Variants in SLC17A4 observed in about 807,000 individuals in gnomAD.
SLC17A4 encodes the protein probable small intestine urate exporter.
SLC17A4 carries 33 observed loss-of-function variants against 52.5 expected under a neutral mutation model. That is an observed-to-expected ratio of 0.63 (90% CI 0.48 to 0.84). The LOEUF (loss-of-function observed/expected upper bound fraction) is 0.84, where lower values mean the gene tolerates loss of function less well. SLC17A4 is among the 40% of genes least tolerant of loss of function. SLC17A4 has a pLI of 0.00. For missense variants in SLC17A4, 585 were observed against 597.1 expected (o/e 0.98, Z 0.21); for synonymous variants, 225 against 216.2 (o/e 1.04, Z -0.36).
At position 25,776,582 on chromosome 6, in the gene SLC17A4, C is replaced by T. The variant is rs185810331; in HGVS notation, c.988-13C>T. ...TAAGGGCACATGCACCTGACCTAGT[C>T]TCTGGTCCTCAGAGTGGGATCCTGT... is the stretch of plus-strand genomic sequence containing the variant. On this transcript the variant is annotated splice_polypyrimidine_tract_variant and intron_variant, in intron 8 of 11. Coordinates refer to ENST00000377905, the MANE Select transcript of SLC17A4 (RefSeq NM_005495.3). 256 of 1,590,378 alleles carry T rather than the reference C, an allele frequency of 1.6e-4. 1 individual carries two copies. In the East Asian group the frequency reaches 5.3e-3, roughly 33 times the overall value.
intron 8 of SLC17A4, among the ~76,000 whole-genome samples, chr6:25,775,357 A>G (rs1368730221): frequency 1.2e-4 from 18 of 151,782 alleles, no homozygotes; most frequent in Admixed American, 1.2e-3. Context: ...AGACTGAAAA[A>G]TCTTTCTTTC....
intron 6 of SLC17A4, among the ~76,000 whole-genome samples, chr6:25,771,807 T>C (rs1312959187): frequency 6.6e-6 from 1 of 152,074 alleles, no homozygotes; most frequent in Non-Finnish European, 1.5e-5. Context: ...GGGCAGATTA[T>C]GTGAGGTTCA....
At chr6:25,755,048 TACACACACAC>T (rs35878702) in intron 1 of SLC17A4, among the ~76,000 whole-genome samples, 25 of 145,052 alleles carry the variant, frequency 1.7e-4, no homozygotes, top group Middle Eastern at 3.5e-3. Flanking sequence ...CACACACACA[TACACACACAC>T]ACACACACAC....
chr6:25,777,614 T>A, intron 10 of SLC17A4: 1 of 226,622 alleles, frequency 4.4e-6, no homozygotes. Flanking sequence ...AACAAAAACC[T>A]TACAAACCAG....
Position 25,771,774 on chromosome 6 carries a change from C to T in SLC17A4, c.706+762C>T, listed in dbSNP as rs185545250. Among the ~76,000 whole-genome samples the T allele has an allele frequency of 4.7e-3, 711 of 152,120 alleles. 3 individuals carry two copies. The highest frequency in any genetic ancestry group is 8.1e-3 in the Non-Finnish European group (553 of 67,988). ...TAAAATACTAATTAGAGTAGAGAAT[C>T]AACTAGTGGAGACTGCAGGACAGGG... On this transcript the variant is annotated intron_variant, in intron 6 of 11. Transcript: ENST00000377905.
intron 1 of SLC17A4, among the ~76,000 whole-genome samples, chr6:25,758,664 A>G (rs1046588513): frequency 6.6e-6 from 1 of 152,084 alleles, no homozygotes; most frequent in Non-Finnish European, 1.5e-5. Flanking sequence ...AATTGAGCTT[A>G]TTTGGATCTT....
intron 1 of SLC17A4, among the ~76,000 whole-genome samples, chr6:25,755,232 C>T (rs1760914210): frequency 1.3e-5 from 2 of 152,162 alleles, no homozygotes; most frequent in African/African-American, 2.4e-5. Flanking sequence ...AGATTTTCAT[C>T]ATGCCTAAAA....
rs770977433 is a variant in SLC17A4 at position 25,776,924 on chromosome 6, A to G, written c.1233A>G (p.Ser411=). ...LSSAISSFCE[S]GALVNFLDIA... is the part of the protein sequence containing the mutation. ...CTGCCATCAGCAGCTTCTGTGAATCAGGAGCCCTTGTTAACTTCTTGGATA... is the reference window on the plus strand; with the variant it reads ...CTGCCATCAGCAGCTTCTGTGAATCGGGAGCCCTTGTTAACTTCTTGGATA... Residue 411 remains serine, a synonymous_variant, in exon 10 of 12, where the codon TCA becomes TCG. Transcript: ENST00000377905. 6.2e-7 allele frequency: 1 copy of G among 1,613,652 alleles called. No homozygotes were observed. The highest frequency in any genetic ancestry group is 8.5e-7 in the Non-Finnish European group (1 of 1,179,734).
intron 1 of SLC17A4, among the ~76,000 whole-genome samples, chr6:25,759,663 A>G (rs185951704): frequency 2.2e-4 from 34 of 152,330 alleles, no homozygotes; most frequent in Middle Eastern, 3.4e-3. Flanking sequence ...AAAAAACAAA[A>G]CAAAAACAAA....
chr6:25,755,621 CT>C (rs1760948953), intron 1 of SLC17A4, among the ~76,000 whole-genome samples: 1 of 152,156 alleles, frequency 6.6e-6, no homozygotes, highest in Non-Finnish European at 1.5e-5. Context: ...CATTTCTTTG[CT>C]GTTTTTTCCT....
At position 25,769,133 on chromosome 6, in the gene SLC17A4, G is replaced by A. The variant is rs771699844; in HGVS notation, c.240G>A (p.Arg80=). ...PPSQPNASTE[R]PSTDSQGYWN... ...GCCAGCCCAATGCTTCCACAGAACG[G>A]CCCTCCACTGACTCCCAGGGCTACT... The change falls in exon 3 of 12, where the codon CGG becomes CGA. Residue 80 remains arginine (R), a synonymous_variant. Coordinates refer to ENST00000377905, the MANE Select transcript of SLC17A4 (RefSeq NM_005495.3). The A allele has an allele frequency of 1.2e-6, 2 of 1,614,002 alleles. No individual in the cohort carries two copies. The highest frequency in any genetic ancestry group is 4.5e-5 in the East Asian group (2 of 44,880).
At chr6:25,757,334 C>T (rs563366184) in intron 1 of SLC17A4, among the ~76,000 whole-genome samples, 12 of 152,210 alleles carry the variant, frequency 7.9e-5, no homozygotes, top group Admixed American at 3.3e-4. Flanking sequence ...TTCACCAGCA[C>T]CTACTGCTTA....
intron 1 of SLC17A4, among the ~76,000 whole-genome samples, chr6:25,755,236 C>T (rs183276065): frequency 5.4e-4 from 82 of 152,084 alleles, no homozygotes; most frequent in African/African-American, 1.9e-3. Context: ...TTTCATCATG[C>T]CTAAAAAATT....
At chr6:25,771,610 A>T (rs186053514) in intron 6 of SLC17A4, among the ~76,000 whole-genome samples, 1 of 152,134 alleles carries the variant, frequency 6.6e-6, no homozygotes, top group East Asian at 1.9e-4. Flanking sequence ...TTTTAGTCAG[A>T]TTACATTTTA....
intron 8 of SLC17A4, among the ~76,000 whole-genome samples, chr6:25,774,810 T>G (rs1300305648): frequency 6.6e-6 from 1 of 152,154 alleles, no homozygotes; most frequent in Non-Finnish European, 1.5e-5. Flanking sequence ...AGACCTGGAT[T>G]CTCATTGCCT....
chr6:25,772,771 C>T (rs535404532), intron 6 of SLC17A4, among the ~76,000 whole-genome samples: 16 of 152,244 alleles, frequency 1.1e-4, no homozygotes, highest in South Asian at 1.0e-3. Flanking sequence ...CTGACTGGTA[C>T]GTGAATGGTG....
intron 5 of SLC17A4, 41 bp from the exon 6 acceptor site, chr6:25,770,885 C>T (rs369559781): frequency 2.5e-5 from 38 of 1,490,668 alleles, no homozygotes; most frequent in Middle Eastern, 1.7e-4. Context: ...AGCCCCAAGA[C>T]GAGTCCTCTC....
intron 8 of SLC17A4, 68 bp downstream of exon 8, chr6:25,773,742 T>A: frequency 6.5e-7 from 1 of 1,529,748 alleles, no homozygotes; most frequent in Non-Finnish European, 8.9e-7. Context: ...TCATATATAA[T>A]CCTCTGTCTG....
chr6:25,770,600 C>G (rs1033285169), intron 5 of SLC17A4, 129 bp downstream of exon 5: 1 of 816,546 alleles, frequency 1.2e-6, no homozygotes, highest in Non-Finnish European at 2.1e-6. Flanking sequence ...AGCACTACCC[C>G]ATACTGCCTT....
Sources: gnomAD v4.1 joint callset for allele counts (sites outside exome capture counted in the v4.1 genomes callset) on GRCh38, gnomAD v4.1.1 for gene constraint, MANE v1.5 for transcripts, NCBI Gene and HGNC (gene_info 2026-07-23, HGNC 2026-07-21) for gene names.